Variants in SLC17A2 observed in about 807,000 individuals in gnomAD.
The protein encoded by SLC17A2 is sodium-dependent phosphate transport protein 3.
A neutral mutation model predicts 52.1 loss-of-function variants in SLC17A2; 38 were observed. That is an observed-to-expected ratio of 0.73 (90% CI 0.56 to 0.96). The LOEUF (loss-of-function observed/expected upper bound fraction) is 0.96, where lower values mean the gene tolerates loss of function less well. Among genes scored for constraint, SLC17A2 ranks in the 40% least tolerant of loss-of-function variants. The probability of loss-of-function intolerance (pLI) is 0.00; values close to 1 mark genes in which losing one functional copy is unlikely to be tolerated. For synonymous variants in SLC17A2, 226 were observed against 211.9 expected (o/e 1.07, Z -0.58); for missense variants, 508 against 583.9 (o/e 0.87, Z 1.34).
chr6:25,925,824 C>T lies in SLC17A2; in HGVS notation c.-28G>A. On this transcript the variant is annotated 5_prime_UTR_variant, in exon 2 of 12. Coordinates refer to ENST00000377850, the MANE Select transcript of SLC17A2 (RefSeq NM_001286123.3). ...AGCTTCTGTGGGAAATGGTACCACG[C>T]TTTGTGGTGGAGTTTCCCTGTGCCC... The T allele has an allele frequency of 6.2e-7, 1 of 1,613,186 alleles. No homozygotes were observed. The highest frequency in any genetic ancestry group is 8.5e-7 in the Non-Finnish European group (1 of 1,179,096).
Position 25,921,376 on chromosome 6 carries a change from T to C in SLC17A2, c.277A>G (p.Ile93Val). The C allele has an allele frequency of 1.2e-6, 2 of 1,614,124 alleles. No individual in the cohort carries two copies. Among genetic ancestry groups the C allele is most frequent in the Non-Finnish European group, 8.5e-7 (1 of 1,179,994 alleles). ...VYQWSPETQG[I>V]IFSSINYGII... ...CCATAGTTGATGGAGCTAAAGATGA[T>C]ACCCTGAGTTTCTGGGCTCCATTGA... Residue 93 changes from isoleucine (I) to valine (V), a missense_variant, in exon 4 of 12, where the codon ATC (isoleucine) becomes GTC (valine). Physicochemically the swap from Ile to Val is conservative, Grantham distance 29. Transcript: ENST00000377850.
chr6:25,915,508 A>G lies in SLC17A2; in HGVS notation c.1202T>C (p.Ile401Thr). Residue 401 changes from isoleucine (I) to threonine (T), a missense_variant, in exon 10 of 12, where the codon ATC (isoleucine) becomes ACC (threonine). Ile to Thr is a moderately conservative substitution (Grantham distance 89). Transcript: ENST00000377850. Reference protein sequence around the residue: ...DSGFIINTLDIAPRYASFLMG... With the variant: ...DSGFIINTLDTAPRYASFLMG... Reference sequence around the variant, plus strand: ...CAGGTAGAGCTCTTACCTGGGGGCGATATCTAAGGTGTTGATGATAAACCC... The same window carrying G: ...CAGGTAGAGCTCTTACCTGGGGGCGGTATCTAAGGTGTTGATGATAAACCC... 1.9e-6 allele frequency: 3 copies of G among 1,551,920 alleles called. No individual in the cohort carries two copies. The highest frequency in any genetic ancestry group is 2.6e-6 in the Non-Finnish European group (3 of 1,147,818).
intron 11 of SLC17A2, among the ~76,000 whole-genome samples, 194 bp from the exon 12 acceptor site, chr6:25,913,645 T>A (rs1018539382): frequency 3.3e-5 from 5 of 152,188 alleles, no homozygotes; most frequent in African/African-American, 7.2e-5. Context: ...TGAGTTGAGA[T>A]GGTTATTTCT....
chr6:25,917,432 T>G (rs1766369285), intron 6 of SLC17A2, among the ~76,000 whole-genome samples: 1 of 152,266 alleles, frequency 6.6e-6, no homozygotes, highest in Admixed American at 6.5e-5. Context: ...TAAGTTGTCT[T>G]GTTGCGGAAG....
intron 1 of SLC17A2, among the ~76,000 whole-genome samples, chr6:25,928,938 T>C (rs1175627873): frequency 6.6e-6 from 1 of 152,154 alleles, no homozygotes; most frequent in Admixed American, 6.5e-5. Flanking sequence ...AAAAAATTAC[T>C]TGACACAGTA....
rs981822453 is a variant in SLC17A2, at chr6:25,916,985, G to T, written c.752C>A (p.Ser251Tyr). ...ISVREKEHILSSLAQQPSSPG... is the reference protein window; with the variant it reads ...ISVREKEHILYSLAQQPSSPG... ...GCACTGTACCTGTTGAGCCAGTGAG[G>T]ACAGGATGTGCTCCTTTTCCCTAAC... Residue 251 changes from serine (S) to tyrosine (Y), a missense_variant, in exon 7 of 12, where the codon TCC becomes TAC. Coordinates refer to ENST00000377850, the MANE Select transcript of SLC17A2 (RefSeq NM_001286123.3). The T allele has an allele frequency of 3.1e-6, 5 of 1,613,510 alleles. No homozygotes were observed. The highest frequency in any genetic ancestry group is 3.4e-6 in the Non-Finnish European group (4 of 1,179,538).
At position 25,930,421 on chromosome 6, in the gene SLC17A2, A is replaced by G. The variant is rs1254583912; in HGVS notation, c.-228T>C. On this transcript the variant is annotated 5_prime_UTR_variant, in exon 1 of 12. Transcript: ENST00000377850. ...AATTAGGCAATATTACCAGATGGAG[A>G]TCCTTATGTTGCTGTTAATGTCTTT... 1 of 152,136 alleles carries G rather than the reference A, an allele frequency of 6.6e-6. No individual in the cohort carries two copies. The highest frequency in any genetic ancestry group is 1.9e-4 in the East Asian group (1 of 5,198). 9.4% of individuals were successfully genotyped at this position (152,136 alleles called of 1,614,324 possible). A position where few individuals can be genotyped will look rare whatever the true frequency, so the allele number is the denominator to read the frequency against.
intron 1 of SLC17A2, 129 bp from the exon 2 acceptor site, chr6:25,926,008 T>C (rs1766751655): frequency 1.6e-6 from 1 of 610,382 alleles, no homozygotes; most frequent in East Asian, 2.7e-5. Context: ...GGGGCACTAC[T>C]GGTATGCTTT....
chr6:25,929,860 G>A (rs3884025), intron 1 of SLC17A2, among the ~76,000 whole-genome samples: 6,391 of 152,208 alleles, frequency 0.042, 193 homozygotes, highest in Non-Finnish European at 0.073. Flanking sequence ...GAGTGCAGTG[G>A]TATGATCTCA....
At chr6:25,922,622 T>C (rs762942171) in intron 3 of SLC17A2, among the ~76,000 whole-genome samples, 28 of 152,206 alleles carry the variant, frequency 1.8e-4, no homozygotes, top group Non-Finnish European at 3.4e-4. Flanking sequence ...AATAAATTTA[T>C]GTACTCATTG....
intron 1 of SLC17A2, among the ~76,000 whole-genome samples, chr6:25,929,999 G>T (rs1766897299): frequency 1.3e-5 from 2 of 152,158 alleles, no homozygotes; most frequent in Non-Finnish European, 2.9e-5. Context: ...TGTATTTTTA[G>T]TGGAGACAGG....
At chr6:25,916,067 AG>A (rs1766302189) in intron 8 of SLC17A2, among the ~76,000 whole-genome samples, 199 bp from the exon 9 acceptor site, 1 of 152,108 alleles carries the variant, frequency 6.6e-6, no homozygotes, top group African/African-American at 2.4e-5. Flanking sequence ...TCCAGATAAA[AG>A]CAATATTAAT....
intron 5 of SLC17A2, among the ~76,000 whole-genome samples, chr6:25,918,879 T>A (rs1766430354): frequency 6.6e-6 from 1 of 152,204 alleles, no homozygotes. Flanking sequence ...TTTCTTGTGA[T>A]TACAGTTGCA....
chr6:25,915,813 C>T lies in SLC17A2; in HGVS notation c.986G>A (p.Gly329Glu). 1 of 1,614,116 alleles carries T rather than the reference C, an allele frequency of 6.2e-7. No individual in the cohort carries two copies. Among genetic ancestry groups the T allele is most frequent in the Non-Finnish European group, 8.5e-7 (1 of 1,179,956 alleles). ...FIAAASCTIL[G>E]GQLADFLLSR... is the part of the protein sequence containing the mutation. ...CAAAAGGAAATCTGCCAGCTGACCT[C>T]CTAAAATTGTACAGCTTGCAGCAGC... The change falls in exon 9 of 12, where the codon GGA becomes GAA. Residue 329 changes from glycine to glutamate, a missense_variant. Transcript: ENST00000377850.
rs775224430 is a variant in SLC17A2, at chr6:25,915,573, C to T, written c.1137G>A (p.Leu379=). ...VASSYVITII[L]LILIPGTSNL... is the part of the protein sequence containing the mutation. ...TACTGGTCCCAGGAATAAGTATCAG[C>T]AAAATAATGGTTATCACGTAACTGG... Residue 379 remains leucine (L), a synonymous_variant, in exon 10 of 12, where the codon TTG becomes TTA. Transcript: ENST00000377850. 7 of 1,607,312 alleles carry T rather than the reference C, an allele frequency of 4.4e-6. No homozygotes were observed. The highest frequency in any genetic ancestry group is 5.9e-6 in the Non-Finnish European group (7 of 1,176,774).
At position 25,914,620 on chromosome 6, in the gene SLC17A2, C is replaced by T; in HGVS notation, c.1262G>A (p.Gly421Glu). 6.2e-7 allele frequency: 1 copy of T among 1,613,436 alleles called. No homozygotes were observed. Among genetic ancestry groups the T allele is most frequent in the Non-Finnish European group, 8.5e-7 (1 of 1,179,382 alleles). Residue 421 changes from glycine to glutamate, a missense_variant, in exon 11 of 12, where the codon GGA (glycine) becomes GAA (glutamate). Gly to Glu is a moderately conservative substitution (Grantham distance 98). Coordinates refer to ENST00000377850, the MANE Select transcript of SLC17A2 (RefSeq NM_001286123.3). The stretch of plus-strand genomic sequence containing the variant: ...TCCAGTGGCAGTGGAAGAGATGATT[C>T]CTGCGATGAGCCCAAATCCCCTTGA... ...GISRGFGLIA[G>E]IISSTATGFL...
In SLC17A2 at chr6:25,918,533, T is replaced by TC. The variant is rs1218182118; in HGVS notation, c.602dup (p.Leu202ThrfsTer17). ...GCCAGCTCAAGGCCTGTGAGATTAG[T>TC]CCCCCCACACAGAGGATGATGAAGG... is the stretch of plus-strand genomic sequence containing the variant. On this transcript the variant is annotated frameshift_variant, in exon 6 of 12. Transcript: ENST00000377850. LOFTEE classifies it high-confidence loss of function. 1 of 1,613,184 alleles carries TC rather than the reference T, an allele frequency of 6.2e-7. No individual in the cohort carries two copies. Among genetic ancestry groups the TC allele is most frequent in the African/African-American group, 1.3e-5 (1 of 74,816 alleles).
At chr6:25,928,922 T>C (rs1190092410) in intron 1 of SLC17A2, among the ~76,000 whole-genome samples, 1 of 152,128 alleles carries the variant, frequency 6.6e-6, no homozygotes, top group Non-Finnish European at 1.5e-5. Flanking sequence ...GAAAATGTTA[T>C]ATTAAAAAAA....
intron 3 of SLC17A2, among the ~76,000 whole-genome samples, chr6:25,922,251 GAAAATAA>G (rs1221918645): frequency 6.6e-6 from 1 of 152,108 alleles, no homozygotes; most frequent in Non-Finnish European, 1.5e-5. Flanking sequence ...TTTGAGAGGA[GAAAATAA>G]TAATTTGGGA....
Sources: gnomAD v4.1 joint callset for allele counts (sites outside exome capture counted in the v4.1 genomes callset) on GRCh38, gnomAD v4.1.1 for gene constraint, MANE v1.5 for transcripts, NCBI Gene and HGNC (gene_info 2026-07-23, HGNC 2026-07-21) for gene names.